SOX6: variants seen among roughly 807,000 people sequenced by gnomAD.
The protein encoded by SOX6 is SRY-box transcription factor 6, also known as transcription factor SOX-6.
SOX6 carries 11 observed loss-of-function variants against 97.8 expected under a neutral mutation model. That is an observed-to-expected ratio of 0.11 (90% CI 0.07 to 0.19). The LOEUF (loss-of-function observed/expected upper bound fraction) is 0.19, where lower values mean the gene tolerates loss of function less well. Among genes scored for constraint, SOX6 ranks in the 10% least tolerant of loss-of-function variants. The pLI is 1.00. For missense variants in SOX6, 810 were observed against 1,039.5 expected (o/e 0.78, Z 3.04); for synonymous variants, 360 against 371.4 (o/e 0.97, Z 0.35).
At position 16,429,203 on chromosome 11, in the gene SOX6, C is replaced by T. The variant is rs192645878; in HGVS notation, c.-5+47112G>A. On this transcript the variant is annotated intron_variant, in intron 1 of 15. Coordinates refer to the SOX6 transcript ENST00000396356. ...GATATTGGCGAAGTTGTGGAGAAAA[C>T]GGAATGCTTATACACTGTAGGTGAG... is the stretch of plus-strand genomic sequence containing the variant. Among the ~76,000 whole-genome samples the T allele has an allele frequency of 4.6e-3, 706 of 152,148 alleles. 5 individuals carry two copies. The highest frequency in any genetic ancestry group is 0.016 in the African/African-American group (679 of 41,526).
intron 12 of SOX6, chr11:16,031,274 A>G (rs775056816): frequency 2.6e-5 from 4 of 152,210 alleles, no homozygotes; most frequent in Non-Finnish European, 5.9e-5. Context: ...CTCAGCATCC[A>G]TGTTCACTTC....
In SOX6 at chr11:16,218,697, CCT is replaced by C. The variant is rs547864336; in HGVS notation, c.535+15883_535+15884del. On this transcript the variant is annotated intron_variant, in intron 4 of 15. Coordinates refer to ENST00000683767, the MANE Select transcript of SOX6 (RefSeq NM_001367873.1). ...GAAAAATATCTCATTTTAAATCTCC[CCT>C]CTTTCATGGAGAGATATTTAAGAAT... Among the ~76,000 whole-genome samples the C allele has an allele frequency of 1.7e-3, 261 of 152,030 alleles. 1 individual carries two copies. The highest frequency in any genetic ancestry group is 6.2e-3 in the African/African-American group (256 of 41,482).
chr11:15,983,005 G>C (rs78843861), intron 15 of SOX6, among the ~76,000 whole-genome samples: 1,875 of 151,942 alleles, frequency 0.012, 34 homozygotes, highest in African/African-American at 0.043. Flanking sequence ...ACTCAGAATT[G>C]GTAAGGGCCT....
At chr11:16,037,984 T>A (rs1218470709) in intron 12 of SOX6, among the ~76,000 whole-genome samples, 4 of 152,196 alleles carry the variant, frequency 2.6e-5, no homozygotes, top group Non-Finnish European at 5.9e-5. Context: ...GAGTTCCATA[T>A]CTGAGAGGTC....
chr11:16,416,312 G>C (rs1039658403), intron 1 of SOX6, among the ~76,000 whole-genome samples: 1 of 152,154 alleles, frequency 6.6e-6, no homozygotes. Flanking sequence ...CTTTAGCAAG[G>C]AAAATATAAA....
At position 16,583,629 on chromosome 11, in the gene SOX6, A is replaced by G. The variant is rs560307169; in HGVS notation, n.609+28452T>C. 1.7e-3 allele frequency among the ~76,000 whole-genome samples: 245 copies of G among 140,102 alleles called. 5 individuals are homozygous for G. The highest frequency in any genetic ancestry group is 5.9e-3 in the African/African-American group (234 of 39,376). 91.9% of individuals were successfully genotyped at this position (140,102 alleles called of 152,430 possible). Reference sequence around the variant, plus strand: ...TATATATATACATATATATATATATATATATATACACATACACACACCACA... The same window carrying G: ...TATATATATACATATATATATATATGTATATATACACATACACACACCACA... On this transcript the variant is annotated intron_variant and non_coding_transcript_variant, in intron 4 of 5. Transcript: ENST00000524520.
intron 4 of SOX6, among the ~76,000 whole-genome samples, chr11:16,501,318 A>T (rs988458480): frequency 2.0e-5 from 3 of 146,654 alleles, no homozygotes; most frequent in African/African-American, 7.3e-5. Flanking sequence ...TTCAAGATGG[A>T]TTAAAGACTT....
chr11:16,384,622 A>T (rs1857922616), intron 1 of SOX6, among the ~76,000 whole-genome samples: 1 of 151,940 alleles, frequency 6.6e-6, no homozygotes, highest in Non-Finnish European at 1.5e-5. Context: ...AACTCTAGGA[A>T]AACATAGAAA....
chr11:16,691,141 G>A (rs541603336), intron 3 of SOX6, among the ~76,000 whole-genome samples: 51 of 152,258 alleles, frequency 3.3e-4, no homozygotes, highest in Non-Finnish European at 5.7e-4. Context: ...GGAGTTAGTT[G>A]GCACAATCCT....
intron 2 of SOX6, among the ~76,000 whole-genome samples, chr11:16,319,918 C>A (rs957387464): frequency 6.6e-6 from 1 of 151,524 alleles, no homozygotes; most frequent in African/African-American, 2.4e-5. Context: ...AAAGGACAGG[C>A]TTATTATAGA....
At chr11:16,355,348 A>T (rs1468458213) in intron 1 of SOX6, among the ~76,000 whole-genome samples, 3 of 152,060 alleles carry the variant, frequency 2.0e-5, no homozygotes, top group African/African-American at 7.2e-5. Flanking sequence ...TTCAAAAGAA[A>T]TGTATCGCAG....
chr11:16,224,812 T>C (rs1852636205), intron 4 of SOX6, among the ~76,000 whole-genome samples: 2 of 152,144 alleles, frequency 1.3e-5, no homozygotes, highest in South Asian at 4.1e-4. Flanking sequence ...GGACTAAACA[T>C]GCTATTTTGG....
At chr11:16,641,852 CTT>C (rs1433798830) in intron 3 of SOX6, among the ~76,000 whole-genome samples, 6 of 152,152 alleles carry the variant, frequency 3.9e-5, no homozygotes, top group East Asian at 1.9e-4. Flanking sequence ...GGTCTTGACT[CTT>C]TATCCAATTT....
At position 16,504,696 on chromosome 11, in the gene SOX6, G is replaced by T. The variant is rs1173931687; in HGVS notation, n.610-28308C>A. Among the ~76,000 whole-genome samples the T allele has an allele frequency of 3.3e-5, 5 of 151,900 alleles. No homozygotes were observed. The South Asian group carries it at 1.0e-3, about 32-fold the overall frequency. On this transcript the variant is annotated intron_variant and non_coding_transcript_variant, in intron 4 of 5. Coordinates refer to the SOX6 transcript ENST00000524520. ...CCCTGCCCCCCGCCCAAAATCTCAT[G>T]TTGAATCCTAATCCCCAATGTTGGA...
intron 1 of SOX6, among the ~76,000 whole-genome samples, chr11:16,435,080 G>A (rs922622394): frequency 4.6e-5 from 7 of 152,136 alleles, no homozygotes; most frequent in Non-Finnish European, 1.5e-5. Flanking sequence ...CACTGCCAAT[G>A]AAATTGCAGG....
intron 12 of SOX6, among the ~76,000 whole-genome samples, chr11:16,035,208 G>T (rs1411633967): frequency 6.6e-6 from 1 of 152,192 alleles, no homozygotes; most frequent in Non-Finnish European, 1.5e-5. Flanking sequence ...CATGGGCAGG[G>T]ATAGGTTTGG....
intron 3 of SOX6, among the ~76,000 whole-genome samples, chr11:16,624,733 T>C (rs1848598670): frequency 1.3e-5 from 2 of 152,212 alleles, no homozygotes; most frequent in Admixed American, 1.3e-4. Context: ...TCATTTTATA[T>C]TCCCACCAGC....
intron 1 of SOX6, among the ~76,000 whole-genome samples, chr11:16,456,320 T>C (rs1218334454): frequency 6.6e-6 from 1 of 152,154 alleles, no homozygotes; most frequent in Admixed American, 6.6e-5. Context: ...TGCTGAATTA[T>C]TAACACTGTC....
rs902517887 is a variant in SOX6 at position 16,613,968 on chromosome 11, G to C, written n.430-1708C>G. Among the ~76,000 whole-genome samples the C allele has an allele frequency of 4.6e-5, 7 of 152,214 alleles. No individual in the cohort carries two copies. Among genetic ancestry groups the C allele is most frequent in the African/African-American group, 1.7e-4 (7 of 41,458 alleles). On this transcript the variant is annotated intron_variant and non_coding_transcript_variant, in intron 3 of 5. Transcript: ENST00000524520. The surrounding 1 kb of genome is among the most constrained non-coding windows in gnomAD (Gnocchi z 4.6). ...GGCGCCCTGCGGGCGGGCGGGCCAC[G>C]CTAGGCGCCGTCTGCCCTCAGAGAC...
Sources: gnomAD v4.1 joint callset for allele counts (sites outside exome capture counted in the v4.1 genomes callset) on GRCh38, gnomAD v4.1.1 for gene constraint, Gnocchi (gnomAD v3.1) non-coding constraint, MANE v1.5 for transcripts, NCBI Gene and HGNC (gene_info 2026-07-23, HGNC 2026-07-21) for gene names.